TIFAB: variants seen among roughly 807,000 people sequenced by gnomAD.
TIFAB encodes the protein TIFA inhibitor, also known as TRAF-interacting protein with FHA domain-containing protein B.
For synonymous variants in TIFAB, 116 were observed against 95.2 expected (o/e 1.22, Z -1.27); for missense variants, 222 against 203.6 (o/e 1.09, Z -0.55).
At chr5:135,451,727 G>A (rs772426612) in intron 1 of TIFAB, among the ~76,000 whole-genome samples, 3 of 152,034 alleles carry the variant, frequency 2.0e-5, no homozygotes, top group Non-Finnish European at 4.4e-5. Flanking sequence ...TAGGTGATCC[G>A]CCCGCCCCGA....
Position 135,447,120 on chromosome 5 carries a change from C to T in TIFAB, c.*2334G>A. On this transcript the variant is annotated 3_prime_UTR_variant, in exon 2 of 2. Coordinates refer to ENST00000537858, the MANE Select transcript of TIFAB (RefSeq NM_001099221.2). ...GCTCCGTAATGCATAGTTGGGGGAC[C>T]ATTTTGGTCAGTGACAGATCACTGC... The T allele has an allele frequency of 2.5e-6, 4 of 1,613,954 alleles. No individual in the cohort carries two copies. The highest frequency in any genetic ancestry group is 3.4e-6 in the Non-Finnish European group (4 of 1,179,896).
In TIFAB at chr5:135,449,184, C is replaced by T. The variant is rs897728209; in HGVS notation, c.*270G>A. ...CTGGCCACAGAGGGTGCTTCTCCCC[C>T]CTGGGCTGTTTGTTCGGTGTTTGCA... On this transcript the variant is annotated 3_prime_UTR_variant, in exon 2 of 2. Coordinates refer to ENST00000537858, the MANE Select transcript of TIFAB (RefSeq NM_001099221.2). The T allele has an allele frequency of 1.2e-5, 6 of 516,786 alleles. No individual in the cohort carries two copies. Among genetic ancestry groups the T allele is most frequent in the African/African-American group, 1.9e-5 (1 of 52,230 alleles). The allele number at this position is 516,786 out of a possible 1,614,324, so 32.0% of individuals were successfully genotyped here. A position where few individuals can be genotyped will look rare whatever the true frequency, so the allele number is the denominator to read the frequency against.
chr5:135,450,012 A>G, intron 1 of TIFAB, 63 bp from the exon 2 acceptor site: 1 of 1,505,410 alleles, frequency 6.6e-7, no homozygotes, highest in Non-Finnish European at 8.9e-7. Context: ...TGGCTCCCTG[A>G]GCCCAGACAC....
At position 135,448,247 on chromosome 5, in the gene TIFAB, C is replaced by T. The variant is rs771999282; in HGVS notation, c.*1207G>A. 6.6e-5 allele frequency: 10 copies of T among 152,146 alleles called. No individual in the cohort carries two copies. Among genetic ancestry groups the T allele is most frequent in the Admixed American group, 2.0e-4 (3 of 15,276 alleles). 9.4% of individuals were successfully genotyped at this position (152,146 alleles called of 1,614,324 possible). A position where few individuals can be genotyped will look rare whatever the true frequency, so the allele number is the denominator to read the frequency against. On this transcript the variant is annotated 3_prime_UTR_variant, in exon 2 of 2. Transcript: ENST00000537858. ...GTTGACAGCTACAGACCCAGAGATTCGAGTCAGCCAGGGGAACAGGGCTGT... is the reference window on the plus strand; with the variant it reads ...GTTGACAGCTACAGACCCAGAGATTTGAGTCAGCCAGGGGAACAGGGCTGT...
At chr5:135,450,195 C>G (rs926655545) in intron 1 of TIFAB, among the ~76,000 whole-genome samples, 1 of 152,226 alleles carries the variant, frequency 6.6e-6, no homozygotes, top group Non-Finnish European at 1.5e-5. Context: ...ATAGATATAT[C>G]TGTCCTTGTC....
At chr5:135,450,901 C>T (rs561203967) in intron 1 of TIFAB, among the ~76,000 whole-genome samples, 1 of 152,236 alleles carries the variant, frequency 6.6e-6, no homozygotes, top group African/African-American at 2.4e-5. Flanking sequence ...GGGAAGGTGA[C>T]CTTTCGCTGC....
Position 135,449,322 on chromosome 5 carries a change from A to G in TIFAB, c.*132T>C. 1 of 1,266,830 alleles carries G rather than the reference A, an allele frequency of 7.9e-7. No homozygotes were observed. Among genetic ancestry groups the G allele is most frequent in the Non-Finnish European group, 1.1e-6 (1 of 934,184 alleles). The allele number at this position is 1,266,830 out of a possible 1,614,324, so 78.5% of individuals were successfully genotyped here. On this transcript the variant is annotated 3_prime_UTR_variant, in exon 2 of 2. Transcript: ENST00000537858. ...TCTAGCAAAGGCTTGCTCTAGTGGC[A>G]GGGCTAGCAGAGTGCACTGTCTGGG...
In TIFAB at chr5:135,447,247, A is replaced by G; in HGVS notation, c.*2207T>C. 9.6e-7 allele frequency: 1 copy of G among 1,037,120 alleles called. No homozygotes were observed. The highest frequency in any genetic ancestry group is 1.4e-6 in the Non-Finnish European group (1 of 711,038). 64.2% of individuals were successfully genotyped at this position (1,037,120 alleles called of 1,614,324 possible). On this transcript the variant is annotated 3_prime_UTR_variant, in exon 2 of 2. Coordinates refer to ENST00000537858, the MANE Select transcript of TIFAB (RefSeq NM_001099221.2). ...CCTGCCTATTGGACCTTCTGATGCA[A>G]GGAGCAGATTAAAATCCCCTCCCTG...
rs1385801859 is a variant in TIFAB at position 135,445,584 on chromosome 5, T to C, written c.*3870A>G. 1 of 152,374 alleles carries C rather than the reference T, an allele frequency of 6.6e-6. No homozygotes were observed. Among genetic ancestry groups the C allele is most frequent in the African/African-American group, 2.4e-5 (1 of 41,468 alleles). The allele number at this position is 152,374 out of a possible 1,614,324, so 9.4% of individuals were successfully genotyped here. A position where few individuals can be genotyped will look rare whatever the true frequency, so the allele number is the denominator to read the frequency against. On this transcript the variant is annotated 3_prime_UTR_variant, in exon 2 of 2. Transcript: ENST00000537858. The stretch of plus-strand genomic sequence containing the variant: ...CCCCCCCGTCTGTGCATCTGTCCTC[T>C]GTTCAGCTCTGGAAAGGCCACCGGG...
At position 135,446,769 on chromosome 5, in the gene TIFAB, G is replaced by A. The variant is rs753435639; in HGVS notation, c.*2685C>T. 7.4e-6 allele frequency: 12 copies of A among 1,613,944 alleles called. No individual in the cohort carries two copies. Among genetic ancestry groups the A allele is most frequent in the Non-Finnish European group, 1.0e-5 (12 of 1,179,864 alleles). On this transcript the variant is annotated 3_prime_UTR_variant, in exon 2 of 2. Coordinates refer to ENST00000537858, the MANE Select transcript of TIFAB (RefSeq NM_001099221.2). The stretch of plus-strand genomic sequence containing the variant: ...TGGCCTGTCTTCCTTCTGCTGCTAT[G>A]CAGTTCATCCTGGGTCCCTGAGGGC...
chr5:135,444,797 G>C lies in TIFAB; in HGVS notation c.*4657C>G, dbSNP rs375583820. 6.6e-6 allele frequency: 1 copy of C among 152,262 alleles called. No homozygotes were observed. The highest frequency in any genetic ancestry group is 1.5e-5 in the Non-Finnish European group (1 of 68,068). The allele number at this position is 152,262 out of a possible 1,614,324, so 9.4% of individuals were successfully genotyped here. A position where few individuals can be genotyped will look rare whatever the true frequency, so the allele number is the denominator to read the frequency against. On this transcript the variant is annotated 3_prime_UTR_variant, in exon 2 of 2. Coordinates refer to ENST00000537858, the MANE Select transcript of TIFAB (RefSeq NM_001099221.2). ...ACAAAGTCTTGCTCTACACGTTTCT[G>C]TAGTGACCGTCCATTTGAAGGGATA...
At chr5:135,451,523 A>C (rs577900598) in intron 1 of TIFAB, among the ~76,000 whole-genome samples, 4 of 143,254 alleles carry the variant, frequency 2.8e-5, no homozygotes, top group Admixed American at 7.1e-5. Flanking sequence ...TCACACTGTC[A>C]CCCAGGCTGG....
At chr5:135,451,697 T>C (rs1769364653) in intron 1 of TIFAB, among the ~76,000 whole-genome samples, 1 of 152,188 alleles carries the variant, frequency 6.6e-6, no homozygotes, top group South Asian at 2.1e-4. Context: ...TTGGCCAGGC[T>C]GGTCTCGAAC....
chr5:135,449,909 T>A lies in TIFAB; in HGVS notation c.31A>T (p.Ser11Cys). Residue 11 changes from serine to cysteine, a missense_variant, in exon 2 of 2, where the codon AGC becomes TGC. Ser to Cys is a moderately radical substitution (Grantham distance 112). Transcript: ENST00000537858. MEKPLTVLRV[S>C]LYHPTLGPSA... ...GGGCCCAGCGTGGGATGGTACAGGC[T>A]CACTCGCAGGACGGTGAGGGGCTTC... The A allele has an allele frequency of 6.5e-7, 1 of 1,532,760 alleles. No homozygotes were observed. The highest frequency in any genetic ancestry group is 8.8e-7 in the Non-Finnish European group (1 of 1,139,598). 94.9% of individuals were successfully genotyped at this position (1,532,760 alleles called of 1,614,324 possible).
At chr5:135,451,902 G>A (rs1005682395) in intron 1 of TIFAB, among the ~76,000 whole-genome samples, 5 of 152,158 alleles carry the variant, frequency 3.3e-5, no homozygotes, top group African/African-American at 7.2e-5. Flanking sequence ...CTAATATCAC[G>A]GCACAGAGAC....
rs531063129 is a variant in TIFAB, at chr5:135,447,463, G to A, written c.*1991C>T. The A allele has an allele frequency of 1.0e-5, 3 of 288,936 alleles. No individual in the cohort carries two copies. The South Asian group carries it at 1.4e-4, about 13-fold the overall frequency. 17.9% of individuals were successfully genotyped at this position (288,936 alleles called of 1,614,324 possible). A position where few individuals can be genotyped will look rare whatever the true frequency, so the allele number is the denominator to read the frequency against. On this transcript the variant is annotated 3_prime_UTR_variant, in exon 2 of 2. Transcript: ENST00000537858. ...ATTAAGTGTGTGCTGGGCACTGATT[G>A]AATGCTTTACAGGTGTCACCTTCTA...
At position 135,445,159 on chromosome 5, in the gene TIFAB, G is replaced by A. The variant is rs1769232715; in HGVS notation, c.*4295C>T. On this transcript the variant is annotated 3_prime_UTR_variant, in exon 2 of 2. Transcript: ENST00000537858. ...GCTGTCCCCTATGAGCCTCTGCAGG[G>A]GACAGGAAGTGCTGACTGAGAACTG... The A allele has an allele frequency of 6.6e-6, 1 of 152,044 alleles. No homozygotes were observed. The highest frequency in any genetic ancestry group is 2.4e-5 in the African/African-American group (1 of 41,372). The allele number at this position is 152,044 out of a possible 1,614,324, so 9.4% of individuals were successfully genotyped here.
chr5:135,450,806 T>C (rs944302274), intron 1 of TIFAB: 3 of 152,252 alleles, frequency 2.0e-5, no homozygotes, highest in Admixed American at 6.5e-5. Context: ...GAATGCATCT[T>C]CCATCCCAAA....
Position 135,447,302 on chromosome 5 carries a change from A to T in TIFAB, c.*2152T>A, listed in dbSNP as rs1769289230. 1 of 661,266 alleles carries T rather than the reference A, an allele frequency of 1.5e-6. No individual in the cohort carries two copies. Among genetic ancestry groups the T allele is most frequent in the Non-Finnish European group, 2.6e-6 (1 of 382,362 alleles). The allele number at this position is 661,266 out of a possible 1,614,324, so 41.0% of individuals were successfully genotyped here. On this transcript the variant is annotated 3_prime_UTR_variant, in exon 2 of 2. Coordinates refer to ENST00000537858, the MANE Select transcript of TIFAB (RefSeq NM_001099221.2). Reference sequence around the variant, plus strand: ...CTACCAGGTCCGTGGCTACAACTAAATCCCTAGTTGGGGAATCACAGAGCA... The same window carrying T: ...CTACCAGGTCCGTGGCTACAACTAATTCCCTAGTTGGGGAATCACAGAGCA...
Sources: gnomAD v4.1 joint callset for allele counts (sites outside exome capture counted in the v4.1 genomes callset) on GRCh38, gnomAD v4.1.1 for gene constraint, MANE v1.5 for transcripts, NCBI Gene and HGNC (gene_info 2026-07-23, HGNC 2026-07-21) for gene names.